The following KIF1A variants were observed in gnomAD, a reference collection of about 807,000 sequenced individuals.
KIF1A encodes kinesin family member 1A.
In KIF1A, 46 loss-of-function variants were observed where a neutral mutation model predicts 227.3. The observed-to-expected ratio is 0.20, with a 90% CI of 0.16 to 0.26. The LOEUF is 0.26. Ranked by LOEUF, KIF1A falls within the 10% of genes least tolerant of loss-of-function variation. The pLI is 1.00. For missense variants in KIF1A, 1,683 were observed against 2,485.9 expected (o/e 0.68, Z 6.87); for synonymous variants, 1,022 against 1,012.8 (o/e 1.01, Z -0.17).
Position 240,789,191 on chromosome 2 carries a change from A to G in KIF1A, c.183+45T>C, listed in dbSNP as rs749814872. 2 of 1,496,140 alleles carry G rather than the reference A, an allele frequency of 1.3e-6. No individual in the cohort carries two copies. Among genetic ancestry groups the G allele is most frequent in the East Asian group, 2.3e-5 (1 of 44,278 alleles). The allele number at this position is 1,496,140 out of a possible 1,614,324, so 92.7% of individuals were successfully genotyped here. ...AGGGACCCCGAGGGCCACATGGCCT[A>G]TGCACTGCTGCCCCCGCCTCCCCCG... On this transcript the variant is annotated intron_variant, in intron 3 of 48. Coordinates refer to ENST00000498729, the MANE Select transcript of KIF1A (RefSeq NM_001244008.2). The surrounding 1 kb of genome is among the most constrained non-coding windows in gnomAD (Gnocchi z 4.8).
chr2:240,759,314 C>T (rs542294113), intron 25 of KIF1A, among the ~76,000 whole-genome samples: 25 of 152,176 alleles, frequency 1.6e-4, no homozygotes, highest in Non-Finnish European at 1.5e-5. Flanking sequence ...CAGCAACTTG[C>T]CATCACCCCT....
In KIF1A at chr2:240,721,862, G is replaced by T; in HGVS notation, c.4688C>A (p.Thr1563Lys). ...GCTGTGTGTGTACTCTCTGTTGAATGTGTGCGTGAGCAGGCGCAAGCACTG... is the reference window on the plus strand; with the variant it reads ...GCTGTGTGTGTACTCTCTGTTGAATTTGTGCGTGAGCAGGCGCAAGCACTG... Reference protein sequence around the residue: ...AVKCLRLLTHTFNREYTHSHV... With the variant: ...AVKCLRLLTHKFNREYTHSHV... Residue 1563 changes from threonine (T) to lysine (K), a missense_variant, in exon 44 of 49, where the codon ACA (threonine) becomes AAA (lysine). Coordinates refer to ENST00000498729, the MANE Select transcript of KIF1A (RefSeq NM_001244008.2). The T allele has an allele frequency of 6.2e-7, 1 of 1,607,064 alleles. No homozygotes were observed.
chr2:240,781,800 G>A lies in KIF1A; in HGVS notation c.882+790C>T, dbSNP rs999469853. On this transcript the variant is annotated intron_variant, in intron 10 of 48. Transcript: ENST00000498729. ...CAGCTTCCTCGCCTGGCTCCCACTC[G>A]GGTTCGCCACACCGTTCTCCACAGT... 7 of 984,928 alleles carry A rather than the reference G, an allele frequency of 7.1e-6. No homozygotes were observed. The African/African-American group carries it at 8.8e-5, about 12-fold the overall frequency. The allele number at this position is 984,928 out of a possible 1,614,324, so 61.0% of individuals were successfully genotyped here. A position where few individuals can be genotyped will look rare whatever the true frequency, so the allele number is the denominator to read the frequency against.
chr2:240,816,212 ATG>A (rs1271223609), intron 1 of KIF1A, among the ~76,000 whole-genome samples: 1 of 151,592 alleles, frequency 6.6e-6, no homozygotes, highest in African/African-American at 2.4e-5. Flanking sequence ...GTGCATAAGC[ATG>A]TGTGTATGTG....
chr2:240,788,039 C>CCCCCCG lies in KIF1A; in HGVS notation c.363+11_363+12insCGGGGG. 2.6e-6 allele frequency: 4 copies of CCCCCCG among 1,512,636 alleles called. No individual in the cohort carries two copies. The highest frequency in any genetic ancestry group is 3.6e-6 in the Non-Finnish European group (4 of 1,113,686). 93.7% of individuals were successfully genotyped at this position (1,512,636 alleles called of 1,614,324 possible). A position where few individuals can be genotyped will look rare whatever the true frequency, so the allele number is the denominator to read the frequency against. ...CTGCCAGGGCTGCCCCCGCCCGCCC[C>CCCCCCG]CCGCTTCGTGCCTGTGGGATGATGC... On this transcript the variant is annotated intron_variant, in intron 4 of 48. Coordinates refer to ENST00000498729, the MANE Select transcript of KIF1A (RefSeq NM_001244008.2). The surrounding 1 kb of genome is among the most constrained non-coding windows in gnomAD (Gnocchi z 6.6).
chr2:240,751,702 G>A (rs1269756570), intron 27 of KIF1A, among the ~76,000 whole-genome samples: 1 of 152,124 alleles, frequency 6.6e-6, no homozygotes, highest in Non-Finnish European at 1.5e-5. Flanking sequence ...CCATGCCCTT[G>A]GTGACACTCA....
rs1297290504 is a variant in KIF1A at position 240,767,193 on chromosome 2, TG to T, written c.1577+72del. 3.1e-6 allele frequency: 4 copies of T among 1,310,936 alleles called. No homozygotes were observed. In the Admixed American group the frequency reaches 5.4e-5, roughly 18 times the overall value. 81.2% of individuals were successfully genotyped at this position (1,310,936 alleles called of 1,614,324 possible). On this transcript the variant is annotated intron_variant, in intron 18 of 48. Transcript: ENST00000498729. ...AGTGGCCCCTCTGCAGAAGCAGGAA[TG>T]GGGAGTCCAGCCTTCCCCTGCCAGA... is the stretch of plus-strand genomic sequence containing the variant.
chr2:240,760,826 G>A lies in KIF1A; in HGVS notation c.2283C>T (p.Val761=), dbSNP rs767002567. The A allele has an allele frequency of 6.2e-7, 1 of 1,607,906 alleles. No individual in the cohort carries two copies. The highest frequency in any genetic ancestry group is 8.5e-7 in the Non-Finnish European group (1 of 1,177,808). ...ELKKKVQFQF[V]LLTDTLYSPL... is the part of the protein sequence containing the mutation. ...GGGAGTAGAGTGTGTCCGTCAGGAG[G>A]ACAAACTGGAATTGTACCTGTGACA... is the stretch of plus-strand genomic sequence containing the variant. Residue 761 remains valine, a synonymous_variant, in exon 25 of 49, where the codon GTC becomes GTT. Coordinates refer to ENST00000498729, the MANE Select transcript of KIF1A (RefSeq NM_001244008.2).
At chr2:240,812,879 G>GGGGATCCGCCTTCACCTCA (rs2058007144) in intron 1 of KIF1A, among the ~76,000 whole-genome samples, 12 of 88,296 alleles carry the variant, frequency 1.4e-4, no homozygotes, top group South Asian at 1.2e-3. Context: ...GCCTTCACTC[G>GGGGATCCGCCTTCACCTCA]GGGATCCGCC....
At position 240,725,524 on chromosome 2, in the gene KIF1A, G is replaced by C; in HGVS notation, c.4123-120C>G. 8.9e-7 allele frequency: 1 copy of C among 1,121,540 alleles called. No homozygotes were observed. Among genetic ancestry groups the C allele is most frequent in the Non-Finnish European group, 1.3e-6 (1 of 792,752 alleles). The allele number at this position is 1,121,540 out of a possible 1,614,324, so 69.5% of individuals were successfully genotyped here. On this transcript the variant is annotated intron_variant, in intron 39 of 48. Coordinates refer to ENST00000498729, the MANE Select transcript of KIF1A (RefSeq NM_001244008.2). The surrounding 1 kb of genome is among the most constrained non-coding windows in gnomAD (Gnocchi z 5.8). Reference sequence around the variant, plus strand: ...ACAGGCAGCCCCAGGGCCTTCCCAGGGCCTCAGGTGTGGCCTGGACGCAGG... The same window carrying C: ...ACAGGCAGCCCCAGGGCCTTCCCAGCGCCTCAGGTGTGGCCTGGACGCAGG...
Position 240,790,346 on chromosome 2 carries a change from A to G in KIF1A, c.107-1034T>C, listed in dbSNP as rs531984435. 6.6e-6 allele frequency among the ~76,000 whole-genome samples: 1 copy of G among 152,098 alleles called. No homozygotes were observed. The highest frequency in any genetic ancestry group is 2.0e-4 in the East Asian group (1 of 5,076). On this transcript the variant is annotated intron_variant, in intron 2 of 48. Coordinates refer to ENST00000498729, the MANE Select transcript of KIF1A (RefSeq NM_001244008.2). This position sits in a 1 kb window ranked among gnomAD's most constrained non-coding sequence, Gnocchi z 5.0. ...TCACATCAGCAAACCTGAAGAACGA[A>G]GCCCTCATGGCACCGTCCTATGCTT...
At chr2:240,816,199 T>C (rs1481629663) in intron 1 of KIF1A, among the ~76,000 whole-genome samples, 1 of 151,864 alleles carries the variant, frequency 6.6e-6, no homozygotes, top group African/African-American at 2.4e-5. Flanking sequence ...TGTGTATGCA[T>C]GCGTGCATAA....
chr2:240,774,086 GC>G, intron 12 of KIF1A, 96 bp downstream of exon 12: 1 of 720,666 alleles, frequency 1.4e-6, no homozygotes, highest in Non-Finnish European at 2.4e-6. Context: ...ACAAAGAGTC[GC>G]CCCTGGTCAC....
chr2:240,743,516 T>C (rs2048239025), intron 33 of KIF1A, among the ~76,000 whole-genome samples: 3 of 152,118 alleles, frequency 2.0e-5, no homozygotes, highest in Admixed American at 1.3e-4. Context: ...CAAGTCTCTC[T>C]GAGCCCCCAT....
At position 240,719,952 on chromosome 2, in the gene KIF1A, C is replaced by T. The variant is rs776558618; in HGVS notation, c.4869-26G>A. The T allele has an allele frequency of 3.2e-6, 5 of 1,564,658 alleles. No individual in the cohort carries two copies. In the East Asian group the frequency reaches 9.3e-5, roughly 29 times the overall value. The stretch of plus-strand genomic sequence containing the variant: ...CTGGGAAGCAGAGGGAAGTGCTGCC[C>T]ACTGCAGGCCTCCCTGGGCCTGGGG... On this transcript the variant is annotated intron_variant, in intron 45 of 48. Transcript: ENST00000498729.
At chr2:240,815,041 G>A (rs1309538968) in intron 1 of KIF1A, among the ~76,000 whole-genome samples, 41 of 152,224 alleles carry the variant, frequency 2.7e-4, no homozygotes, top group Admixed American at 2.7e-3. Context: ...TCTGGTCTGC[G>A]CCTAGCCCAC....
At position 240,760,781 on chromosome 2, in the gene KIF1A, C is replaced by T; in HGVS notation, c.2328G>A (p.Leu776=). The change falls in exon 25 of 49, where the codon CTG becomes CTA. Residue 776 remains leucine (L), a synonymous_variant. Transcript: ENST00000498729. Reference sequence around the variant, plus strand: ...CTCGGTCTTTGGCGGCCTCTGGGGGCAGCAGGTCGGGTGGCAGAGGGGAGT... The same window carrying T: ...CTCGGTCTTTGGCGGCCTCTGGGGGTAGCAGGTCGGGTGGCAGAGGGGAGT... ...TLYSPLPPDL[L]PPEAAKDRET... The T allele has an allele frequency of 2.5e-6, 4 of 1,604,520 alleles. No individual in the cohort carries two copies. In the Middle Eastern group the frequency reaches 5.0e-4, roughly 200 times the overall value.
chr2:240,780,751 G>A (rs2053556193), intron 10 of KIF1A, among the ~76,000 whole-genome samples: 1 of 143,352 alleles, frequency 7.0e-6, no homozygotes, highest in South Asian at 2.2e-4. Flanking sequence ...ACAGTTCTCT[G>A]CAGGCTCCCC....
At chr2:240,762,671 T>A (rs1387376297) in intron 23 of KIF1A, 48 bp downstream of exon 23, 16 of 1,512,606 alleles carry the variant, frequency 1.1e-5, no homozygotes, top group Admixed American at 1.9e-5. Flanking sequence ...CCCACCTCCA[T>A]GCTGAGACCC....
Sources: allele counts gnomAD v4.1 joint callset (sites outside exome capture counted in the v4.1 genomes callset), GRCh38; gene constraint gnomAD v4.1.1; non-coding constraint Gnocchi (gnomAD v3.1); transcripts MANE v1.5; gene names NCBI Gene and HGNC (gene_info 2026-07-23, HGNC 2026-07-21).